The following TUSC3 variants were observed in gnomAD, a reference collection of about 807,000 sequenced individuals.
TUSC3 encodes tumor suppressor candidate 3, also known as dolichyl-diphosphooligosaccharide--protein glycosyltransferase subunit TUSC3.
TUSC3 carries 45 observed loss-of-function variants against 44.8 expected under a neutral mutation model. The ratio of observed to expected loss-of-function variants is 1.00; its 90% CI spans 0.79 to 1.29. The LOEUF (loss-of-function observed/expected upper bound fraction) is 1.29. Ranked by LOEUF, TUSC3 falls within the 50% of genes most tolerant of loss-of-function variation. TUSC3 has a pLI of 0.00. For synonymous variants in TUSC3, 212 were observed against 152.9 expected, an observed-to-expected ratio of 1.39 and a Z score of -2.85; for missense variants, 519 against 437.9, an observed-to-expected ratio of 1.19 and a Z score of -1.65.
At chr8:15,458,115 T>G (rs1013452374) in intron 1 of TUSC3, among the ~76,000 whole-genome samples, 18 of 151,904 alleles carry the variant, frequency 1.2e-4, no homozygotes, top group African/African-American at 3.9e-4. Flanking sequence ...ATGAAGGAAT[T>G]TAGGATGATG....
intron 2 of TUSC3, among the ~76,000 whole-genome samples, chr8:15,644,879 G>T (rs1335339587): frequency 6.6e-6 from 1 of 151,950 alleles, no homozygotes; most frequent in East Asian, 1.9e-4. Context: ...CCCAAGTATT[G>T]TATTTGAGTC....
intron 2 of TUSC3, among the ~76,000 whole-genome samples, chr8:15,484,741 C>T (rs6999742): frequency 0.95 from 144,885 of 152,286 alleles, 69,035 homozygotes; most frequent in Admixed American, 0.97. Flanking sequence ...GCTGAAACTG[C>T]GCAAAGCAAT....
chr8:15,830,303 C>A, the TUSC3 span, among the ~76,000 whole-genome samples: 3 of 152,062 alleles, frequency 2.0e-5, no homozygotes, highest in African/African-American at 4.8e-5. Flanking sequence ...TCTCATTTTT[C>A]TATGCTTGTT....
chr8:15,547,342 T>G (rs1801904421), intron 1 of TUSC3, among the ~76,000 whole-genome samples: 1 of 151,678 alleles, frequency 6.6e-6, no homozygotes, highest in Non-Finnish European at 1.5e-5. Flanking sequence ...TACGGAGTTT[T>G]CTCTGCTTGG....
At chr8:15,508,193 T>G (rs1801083482) in intron 2 of TUSC3, among the ~76,000 whole-genome samples, 1 of 152,172 alleles carries the variant, frequency 6.6e-6, no homozygotes, top group African/African-American at 2.4e-5. Context: ...TGAGCCGATT[T>G]CACGCCACTG....
At chr8:15,507,680 ATATGT>A (rs1241450736) in intron 2 of TUSC3, among the ~76,000 whole-genome samples, 4 of 152,210 alleles carry the variant, frequency 2.6e-5, no homozygotes, top group Admixed American at 6.5e-5. Context: ...AAATACAAAA[ATATGT>A]TATGAGCACT....
intron 5 of TUSC3, among the ~76,000 whole-genome samples, chr8:15,669,315 A>G (rs971092682): frequency 6.6e-6 from 1 of 151,788 alleles, no homozygotes; most frequent in Non-Finnish European, 1.5e-5. Context: ...AACTCTTCTA[A>G]ACAATTGAGA....
the TUSC3 span, among the ~76,000 whole-genome samples, chr8:15,815,544 T>G: frequency 2.6e-5 from 4 of 152,052 alleles, no homozygotes; most frequent in African/African-American, 9.7e-5. Context: ...TAGGAGAAAT[T>G]CATGCAGAGA....
intron 2 of TUSC3, among the ~76,000 whole-genome samples, chr8:15,520,737 C>A (rs535583217): frequency 6.6e-5 from 10 of 152,250 alleles, no homozygotes; most frequent in African/African-American, 2.2e-4. Flanking sequence ...CTTGTTATTG[C>A]CTTTACCCAC....
chr8:15,636,194 A>C (rs1806066005), intron 2 of TUSC3, among the ~76,000 whole-genome samples: 2 of 152,256 alleles, frequency 1.3e-5, no homozygotes, highest in Admixed American at 1.3e-4. Flanking sequence ...CAGCCCGTTA[A>C]GCACAATCGG....
chr8:15,851,473 CACACA>C, the TUSC3 span, among the ~76,000 whole-genome samples: 1 of 152,180 alleles, frequency 6.6e-6, no homozygotes, highest in African/African-American at 2.4e-5. Flanking sequence ...GTTTAATCCT[CACACA>C]TATAGAGAAA....
chr8:15,714,862 G>A (rs1342100087), intron 6 of TUSC3, among the ~76,000 whole-genome samples: 1 of 152,100 alleles, frequency 6.6e-6, no homozygotes, highest in Non-Finnish European at 1.5e-5. Flanking sequence ...ACTCAGAACT[G>A]AATTTTACAT....
At chr8:15,451,861 G>GA (rs1481465371) in intron 1 of TUSC3, among the ~76,000 whole-genome samples, 4 of 152,032 alleles carry the variant, frequency 2.6e-5, no homozygotes, top group Admixed American at 1.3e-4. Context: ...TTGTGTGGGG[G>GA]AAAAAAATCC....
chr8:15,523,712 A>ATG lies in TUSC3; in HGVS notation n.189+40230_189+40231insGT, dbSNP rs1801334550. On this transcript the variant is annotated intron_variant and non_coding_transcript_variant, in intron 2 of 5. Coordinates refer to the TUSC3 transcript ENST00000503191. ...TGTGTGTGTGTGTGTGTGTGTGTATATATATATATATATAAAGTAGTTCTT... is the reference window on the plus strand; with the variant it reads ...TGTGTGTGTGTGTGTGTGTGTGTATATGTATATATATATATAAAGTAGTTCTT... Among the ~76,000 whole-genome samples the ATG allele has an allele frequency of 8.8e-5, 9 of 102,728 alleles. 2 individuals are homozygous for ATG. The Admixed American group carries it at 9.2e-4, about 11-fold the overall frequency. 67.4% of individuals were successfully genotyped at this position (102,728 alleles called of 152,430 possible). A position where few individuals can be genotyped will look rare whatever the true frequency, so the allele number is the denominator to read the frequency against.
chr8:15,732,390 T>G (rs897829408), intron 7 of TUSC3, among the ~76,000 whole-genome samples: 3 of 152,196 alleles, frequency 2.0e-5, no homozygotes, highest in African/African-American at 7.2e-5. Context: ...GCTGTCTCTT[T>G]CCTGCTTCCA....
chr8:15,483,649 A>ATTTTTTTTTTTTTTT (rs60092911), intron 2 of TUSC3, among the ~76,000 whole-genome samples: 1,322 of 66,118 alleles, frequency 0.02, 204 homozygotes, highest in Non-Finnish European at 0.026. Context: ...TAGCACTGTG[A>ATTTTTTTTTTTTTTT]TTTTTTTTTT....
intron 6 of TUSC3, among the ~76,000 whole-genome samples, chr8:15,720,984 GTA>G (rs1210869591): frequency 6.6e-5 from 10 of 152,038 alleles, no homozygotes; most frequent in Non-Finnish European, 1.5e-5. Context: ...ATACTGAAGA[GTA>G]TTATGGACAT....
chr8:15,636,690 C>T (rs1393559648), intron 2 of TUSC3, among the ~76,000 whole-genome samples: 2 of 152,168 alleles, frequency 1.3e-5, no homozygotes, highest in Non-Finnish European at 2.9e-5. Flanking sequence ...CAGCCTGTTG[C>T]ATTGTTTCCT....
chr8:15,827,596 T>C, the TUSC3 span, among the ~76,000 whole-genome samples: 1 of 152,174 alleles, frequency 6.6e-6, no homozygotes, highest in Non-Finnish European at 1.5e-5. Flanking sequence ...CTTGAAATTG[T>C]TTCTAAGGAC....
Sources: allele counts gnomAD v4.1 joint callset (sites outside exome capture counted in the v4.1 genomes callset), GRCh38; gene constraint gnomAD v4.1.1; transcripts MANE v1.5; gene names NCBI Gene and HGNC (gene_info 2026-07-23, HGNC 2026-07-21).